HTD2: variants seen among roughly 807,000 people sequenced by gnomAD.
HTD2 encodes hydroxyacyl-thioester dehydratase type 2.
HTD2 carries 1 observed loss-of-function variant against 3.1 expected under a neutral mutation model. The observed-to-expected ratio is 0.32, with a 90% CI of 0.11 to 1.52. The LOEUF is 1.52. Ranked by LOEUF, HTD2 falls within the 40% of genes most tolerant of loss-of-function variation. HTD2 has a pLI of 0.39. For missense variants in HTD2, 150 were observed against 79.6 expected, an observed-to-expected ratio of 1.88 and a Z score of -3.36; for synonymous variants, 50 against 28.9, an observed-to-expected ratio of 1.73 and a Z score of -2.34.
chr3:58,317,064 C>T (rs973291076), intron 4 of HTD2, 71 bp downstream of exon 4: 11 of 1,089,158 alleles, frequency 1.0e-5, no homozygotes, highest in Admixed American at 4.0e-5. Flanking sequence ...ATATACACAA[C>T]TCATTTTTGT....
rs191367542 is a variant in HTD2, at chr3:58,319,659, A to G, written c.*1539A>G. 4.6e-5 allele frequency: 7 copies of G among 152,184 alleles called. No individual in the cohort carries two copies. The highest frequency in any genetic ancestry group is 4.6e-4 in the Admixed American group (7 of 15,282). 9.4% of individuals were successfully genotyped at this position (152,184 alleles called of 1,614,324 possible). On this transcript the variant is annotated 3_prime_UTR_variant, in exon 5 of 5. Coordinates refer to ENST00000461393, the MANE Select transcript of HTD2 (RefSeq NM_001348712.2). ...AAAAAAAAAAAATTGTAAGAAATAAATATTAAGAAGATTATGGAGGCCAAA... is the reference window on the plus strand; with the variant it reads ...AAAAAAAAAAAATTGTAAGAAATAAGTATTAAGAAGATTATGGAGGCCAAA...
At chr3:58,308,729 C>A (rs531408614) in intron 1 of HTD2, among the ~76,000 whole-genome samples, 27 of 152,302 alleles carry the variant, frequency 1.8e-4, no homozygotes, top group African/African-American at 6.3e-4. Context: ...AAGTCCCTTT[C>A]CTTGATTGGG....
intron 1 of HTD2, among the ~76,000 whole-genome samples, chr3:58,307,323 T>TA (rs2097476431): frequency 6.6e-6 from 1 of 152,132 alleles, no homozygotes; most frequent in Non-Finnish European, 1.5e-5. Context: ...GAGTAGATGT[T>TA]AATAGACTCA....
chr3:58,315,783 TCTC>T (rs1203984496), intron 2 of HTD2: 9 of 152,396 alleles, frequency 5.9e-5, no homozygotes, highest in African/African-American at 2.2e-4. Context: ...TTCAAGCGAT[TCTC>T]CTGCCTCAGC....
intron 2 of HTD2, among the ~76,000 whole-genome samples, chr3:58,312,960 C>CAAAAAA (rs35853424): frequency 1.3e-5 from 1 of 79,044 alleles, no homozygotes; most frequent in Non-Finnish European, 2.4e-5. Context: ...GACTCTGTCT[C>CAAAAAA]AAAAAAAAAA....
At chr3:58,312,343 C>CCT (rs1553724610) in intron 2 of HTD2, among the ~76,000 whole-genome samples, 2 of 128,238 alleles carry the variant, frequency 1.6e-5, no homozygotes, top group African/African-American at 5.7e-5. Context: ...CACCCCCCCC[C>CCT]GCCCCTCCCG....
intron 1 of HTD2, among the ~76,000 whole-genome samples, chr3:58,307,406 G>C (rs1371234821): frequency 6.6e-6 from 1 of 152,192 alleles, no homozygotes; most frequent in Non-Finnish European, 1.5e-5. Flanking sequence ...CAGATTAGGA[G>C]CATCCCTGCG....
Position 58,319,112 on chromosome 3 carries a change from C to G in HTD2, c.*992C>G, listed in dbSNP as rs866692181. ...TTGTCACTGTATTTTAACTGTGTAA[C>G]AATTATTGAAGGCGAAAATAGAAGT... On this transcript the variant is annotated 3_prime_UTR_variant, in exon 5 of 5. Transcript: ENST00000461393. 2 of 152,136 alleles carry G rather than the reference C, an allele frequency of 1.3e-5. No homozygotes were observed. The highest frequency in any genetic ancestry group is 2.9e-5 in the Non-Finnish European group (2 of 68,040). 9.4% of individuals were successfully genotyped at this position (152,136 alleles called of 1,614,324 possible).
At chr3:58,309,995 T>G in intron 1 of HTD2, 1 of 231,596 alleles carries the variant, frequency 4.3e-6, no homozygotes, top group Non-Finnish European at 8.5e-6. Context: ...AGCCCAGGAG[T>G]TTGAAACCAG....
intron 1 of HTD2, 40 bp from the exon 2 acceptor site, chr3:58,310,467 T>A (rs538942597): frequency 6.3e-7 from 1 of 1,596,638 alleles, no homozygotes; most frequent in Admixed American, 1.8e-5. Flanking sequence ...CTGAATAGAA[T>A]GAAATTTAAT....
At position 58,310,354 on chromosome 3, in the gene HTD2, G is replaced by C. The variant is rs762438652; in HGVS notation, c.-415-153G>C. On this transcript the variant is annotated intron_variant, in intron 1 of 4. Transcript: ENST00000461393. The stretch of plus-strand genomic sequence containing the variant: ...GATGCCTGCCCCTGCTGCCACATAT[G>C]AAAGAGTAGTTTACAAAAACCCTTC... 10 of 1,614,058 alleles carry C rather than the reference G, an allele frequency of 6.2e-6. No homozygotes were observed. The East Asian group carries it at 2.2e-4, about 36-fold the overall frequency.
chr3:58,311,109 T>C (rs2097481742), intron 2 of HTD2, among the ~76,000 whole-genome samples: 1 of 151,546 alleles, frequency 6.6e-6, no homozygotes, highest in South Asian at 2.1e-4. Context: ...ATCACCAATC[T>C]ACTTTCTATC....
chr3:58,310,407 G>GT (rs1559792951), intron 1 of HTD2, 100 bp from the exon 2 acceptor site: 1 of 1,613,530 alleles, frequency 6.2e-7, no homozygotes, highest in East Asian at 2.2e-5. Context: ...AAGTCTGCCT[G>GT]TAAGTTTAGT....
chr3:58,316,313 A>G (rs4681677), intron 2 of HTD2, among the ~76,000 whole-genome samples: 117,486 of 152,188 alleles, frequency 0.77, 45,981 homozygotes, highest in East Asian at 1. Flanking sequence ...AAAGGATGAG[A>G]GACATCAGCC....
chr3:58,306,885 G>A (rs1314803761), intron 1 of HTD2, among the ~76,000 whole-genome samples: 1 of 152,192 alleles, frequency 6.6e-6, no homozygotes, highest in Non-Finnish European at 1.5e-5. Flanking sequence ...AGATAAACGA[G>A]TTACATAATT....
rs1412008218 is a variant in HTD2 at position 58,318,091 on chromosome 3, G to A, written c.478G>A (p.Val160Ile). The A allele has an allele frequency of 1.5e-6, 1 of 669,156 alleles. No homozygotes were observed. The highest frequency in any genetic ancestry group is 1.8e-5 in the African/African-American group (1 of 55,272). The allele number at this position is 669,156 out of a possible 1,614,324, so 41.5% of individuals were successfully genotyped here. ...GACTGTTATGGAAGGCTGGGTTAAA[G>A]TTATGGTTCCAGAAGCTTCCAAATC... ...KKTVMEGWVK[V>I]MVPEASKS The change falls in exon 5 of 5, where the codon GTT (valine) becomes ATT (isoleucine). Residue 160 changes from valine (V) to isoleucine (I), a missense_variant. By Grantham distance (29) the Val-to-Ile change is conservative. Coordinates refer to ENST00000461393, the MANE Select transcript of HTD2 (RefSeq NM_001348712.2).
chr3:58,311,157 G>A (rs1300224026), intron 2 of HTD2, among the ~76,000 whole-genome samples: 1 of 145,974 alleles, frequency 6.9e-6, no homozygotes, highest in Admixed American at 6.8e-5. Context: ...TGTTGTTGTT[G>A]TTGTTGTTTT....
intron 1 of HTD2, among the ~76,000 whole-genome samples, chr3:58,308,893 TA>T (rs1392865760): frequency 6.6e-6 from 1 of 152,160 alleles, no homozygotes; most frequent in Non-Finnish European, 1.5e-5. Context: ...GAAGGATGAA[TA>T]GGACCTATCC....
Position 58,318,173 on chromosome 3 carries a change from C to T in HTD2, c.*53C>T, listed in dbSNP as rs1462226864. ...AACACCAATGCTGTTGTTAAAGAGC[C>T]TATGGGGAATTGCTGCTCTTTACCA... On this transcript the variant is annotated 3_prime_UTR_variant, in exon 5 of 5. Coordinates refer to ENST00000461393, the MANE Select transcript of HTD2 (RefSeq NM_001348712.2). 1.6e-5 allele frequency: 10 copies of T among 606,766 alleles called. No individual in the cohort carries two copies. The highest frequency in any genetic ancestry group is 2.6e-5 in the Non-Finnish European group (9 of 343,176). 37.6% of individuals were successfully genotyped at this position (606,766 alleles called of 1,614,324 possible). A position where few individuals can be genotyped will look rare whatever the true frequency, so the allele number is the denominator to read the frequency against.
Sources: gnomAD v4.1 joint callset for allele counts (sites outside exome capture counted in the v4.1 genomes callset) on GRCh38, gnomAD v4.1.1 for gene constraint, MANE v1.5 for transcripts, NCBI Gene and HGNC (gene_info 2026-07-23, HGNC 2026-07-21) for gene names.